IGSF11: variants seen among roughly 807,000 people sequenced by gnomAD.
The protein encoded by IGSF11 is immunoglobulin superfamily member 11, also known as CXADR like 1.
In IGSF11, 22 loss-of-function variants were observed where a neutral mutation model predicts 41.0. The observed-to-expected ratio is 0.54, with a 90% CI of 0.38 to 0.77. The LOEUF is 0.77. IGSF11 is among the 30% of genes least tolerant of loss of function. The pLI, the probability that IGSF11 is intolerant of heterozygous loss-of-function variation, is 0.00. For missense variants in IGSF11, 444 were observed against 530.8 expected (o/e 0.84, Z 1.61); for synonymous variants, 219 against 201.3 (o/e 1.09, Z -0.74).
chr3:119,142,296 A>T (rs2077660142), intron 1 of IGSF11, among the ~76,000 whole-genome samples: 1 of 140,844 alleles, frequency 7.1e-6, no homozygotes, highest in South Asian at 2.3e-4. Context: ...AAAAAAAAAA[A>T]GTGTCTGCAT....
At chr3:119,077,698 G>A (rs573118281) in intron 1 of IGSF11, among the ~76,000 whole-genome samples, 2 of 152,068 alleles carry the variant, frequency 1.3e-5, no homozygotes, top group Non-Finnish European at 2.9e-5. Flanking sequence ...GCAAGAAAAA[G>A]AAATAAAAGG....
chr3:119,111,276 G>T (rs1358682931), intron 1 of IGSF11, among the ~76,000 whole-genome samples: 1 of 152,172 alleles, frequency 6.6e-6, no homozygotes, highest in Non-Finnish European at 1.5e-5. Context: ...ATTTCTTGGA[G>T]GCTTTGTTCG....
chr3:119,007,398 A>G (rs1349867231), intron 1 of IGSF11, among the ~76,000 whole-genome samples: 1 of 150,142 alleles, frequency 6.7e-6, no homozygotes, highest in Non-Finnish European at 1.5e-5. Context: ...GGTACCTCAG[A>G]TGGAAATGCA....
chr3:119,017,597 T>C (rs893541974), intron 1 of IGSF11, among the ~76,000 whole-genome samples: 19 of 152,252 alleles, frequency 1.2e-4, no homozygotes, highest in African/African-American at 4.6e-4. Context: ...TGTGATCTTA[T>C]TTAATCTTTC....
Position 118,931,266 on chromosome 3 carries a change from G to A in IGSF11, c.53-991C>T, listed in dbSNP as rs149304345. 7.3e-4 allele frequency among the ~76,000 whole-genome samples: 111 copies of A among 152,142 alleles called. 1 individual carries two copies. The highest frequency in any genetic ancestry group is 2.6e-3 in the African/African-American group (108 of 41,512). ...AAAATGTTCATAAACCTAAATCATC[G>A]TAACATACAAGTAGTCAGCAATTTC... On this transcript the variant is annotated intron_variant, in intron 1 of 6. Coordinates refer to ENST00000393775, the MANE Select transcript of IGSF11 (RefSeq NM_001015887.3).
At chr3:119,077,783 T>C (rs1427370077) in intron 1 of IGSF11, among the ~76,000 whole-genome samples, 5 of 152,200 alleles carry the variant, frequency 3.3e-5, no homozygotes, top group Non-Finnish European at 7.4e-5. Context: ...GAAAACCCCA[T>C]AGTCTCTGTC....
chr3:119,044,084 T>C (rs1306377296), intron 1 of IGSF11, among the ~76,000 whole-genome samples: 1 of 152,152 alleles, frequency 6.6e-6, no homozygotes. Flanking sequence ...AAATAAAGAA[T>C]TCAGAAGGTC....
At chr3:119,003,336 T>C (rs1937106899) in intron 1 of IGSF11, among the ~76,000 whole-genome samples, 1 of 147,916 alleles carries the variant, frequency 6.8e-6, no homozygotes, top group Non-Finnish European at 1.5e-5. Context: ...ATCCTGAGAC[T>C]TTGCTGAAGT....
At chr3:118,965,948 T>C (rs1301711890) in intron 1 of IGSF11, among the ~76,000 whole-genome samples, 3 of 150,832 alleles carry the variant, frequency 2.0e-5, no homozygotes, top group Admixed American at 6.6e-5. Flanking sequence ...GAGCAGTTCA[T>C]AGCGTTCAGA....
chr3:119,135,568 T>C, intron 1 of IGSF11, among the ~76,000 whole-genome samples: 1 of 152,166 alleles, frequency 6.6e-6, no homozygotes, highest in Admixed American at 6.5e-5. Flanking sequence ...AAACAACAGA[T>C]GCTGGAGAGG....
At chr3:119,004,161 G>C (rs1334372846) in intron 1 of IGSF11, among the ~76,000 whole-genome samples, 2 of 148,120 alleles carry the variant, frequency 1.4e-5, no homozygotes, top group African/African-American at 5.1e-5. Context: ...GGTCTATTCA[G>C]AGATTCAACT....
chr3:119,048,775 A>G (rs1223137853), intron 1 of IGSF11, among the ~76,000 whole-genome samples: 2 of 152,140 alleles, frequency 1.3e-5, no homozygotes, highest in African/African-American at 4.8e-5. Flanking sequence ...CGAATCCAGC[A>G]GCACATCAAA....
At chr3:118,985,340 G>A (rs577193316) in intron 1 of IGSF11, among the ~76,000 whole-genome samples, 33 of 152,256 alleles carry the variant, frequency 2.2e-4, no homozygotes, top group African/African-American at 6.3e-4. Context: ...TATTTTTAAC[G>A]ACAGCTTCAT....
intron 1 of IGSF11, among the ~76,000 whole-genome samples, chr3:118,959,793 A>G (rs1434904878): frequency 6.6e-6 from 1 of 152,190 alleles, no homozygotes; most frequent in Non-Finnish European, 1.5e-5. Flanking sequence ...TCACACCTGT[A>G]ATCCAGCACT....
At chr3:118,925,621 C>A (rs968361287) in intron 4 of IGSF11, among the ~76,000 whole-genome samples, 1 of 152,124 alleles carries the variant, frequency 6.6e-6, no homozygotes, top group Admixed American at 6.6e-5. Context: ...TTTGGTGTGA[C>A]CAATTCCTGG....
intron 1 of IGSF11, among the ~76,000 whole-genome samples, chr3:118,991,535 C>A (rs1935791521): frequency 6.6e-6 from 1 of 152,142 alleles, no homozygotes; most frequent in South Asian, 2.1e-4. Context: ...AAATATTCAA[C>A]AAGTATACAA....
intron 1 of IGSF11, among the ~76,000 whole-genome samples, chr3:118,978,891 A>C (rs900697532): frequency 6.6e-6 from 1 of 152,232 alleles, no homozygotes; most frequent in Non-Finnish European, 1.5e-5. Context: ...GGAAATATGA[A>C]ACCTGCAAGG....
At chr3:119,126,969 TCTC>T (rs2077412645) in intron 1 of IGSF11, among the ~76,000 whole-genome samples, 1 of 152,062 alleles carries the variant, frequency 6.6e-6, no homozygotes, top group Non-Finnish European at 1.5e-5. Context: ...GAGTGCCTCT[TCTC>T]CTCCAAATGA....
At chr3:119,110,437 T>G (rs2077130460) in intron 1 of IGSF11, among the ~76,000 whole-genome samples, 1 of 152,234 alleles carries the variant, frequency 6.6e-6, no homozygotes, top group African/African-American at 2.4e-5. Context: ...GTTTTCCATT[T>G]GCTTGGTAGA....
Sources: allele counts gnomAD v4.1 joint callset (sites outside exome capture counted in the v4.1 genomes callset), GRCh38; gene constraint gnomAD v4.1.1; transcripts MANE v1.5; gene names NCBI Gene and HGNC (gene_info 2026-07-23, HGNC 2026-07-21).